DNM1L: variants seen among roughly 807,000 people sequenced by gnomAD.
DNM1L encodes the protein dynamin 1L, also known as dynamin-1-like protein.
A neutral mutation model predicts 92.8 loss-of-function variants in DNM1L; 33 were observed. The observed-to-expected ratio is 0.36, with a 90% CI of 0.27 to 0.48. The LOEUF (loss-of-function observed/expected upper bound fraction) is 0.48. DNM1L is among the 20% of genes least tolerant of loss of function. The probability of loss-of-function intolerance (pLI) is 0.99; values close to 1 mark genes in which losing one functional copy is unlikely to be tolerated. For missense variants in DNM1L, 485 were observed against 888.8 expected (o/e 0.55, Z 5.78); for synonymous variants, 284 against 305.0 (o/e 0.93, Z 0.72).
At chr12:32,691,611 G>A (rs1268875266) in intron 1 of DNM1L, among the ~76,000 whole-genome samples, 1 of 152,130 alleles carries the variant, frequency 6.6e-6, no homozygotes, top group Non-Finnish European at 1.5e-5. Context: ...CCGAGGTACT[G>A]GGGGTTAGGG....
intron 1 of DNM1L, among the ~76,000 whole-genome samples, chr12:32,689,488 G>A (rs909929144): frequency 6.6e-6 from 1 of 152,220 alleles, no homozygotes; most frequent in Non-Finnish European, 1.5e-5. Flanking sequence ...TGGGCCCGGC[G>A]TAGTTTAGCT....
At chr12:32,699,796 CAAAAAAAAAAAA>C (rs34943495) in intron 1 of DNM1L, among the ~76,000 whole-genome samples, 4 of 73,592 alleles carry the variant, frequency 5.4e-5, no homozygotes, top group African/African-American at 1.8e-4. Context: ...GACTCCATCT[CAAAAAAAAAAAA>C]AAAAAAAAAA....
Position 32,743,521 on chromosome 12 carries a change from T to G in DNM1L, c.*111T>G, listed in dbSNP as rs1955462087. On this transcript the variant is annotated 3_prime_UTR_variant, in exon 20 of 20. Coordinates refer to ENST00000549701, the MANE Select transcript of DNM1L (RefSeq NM_012062.5). ...GTGTATTGCAATGGTATGAATCTGC[T>G]CATGTGGAGACTGGCTATAAACTGA... The G allele has an allele frequency of 2.0e-6, 2 of 1,024,742 alleles. No individual in the cohort carries two copies. Among genetic ancestry groups the G allele is most frequent in the Middle Eastern group, 2.0e-4 (1 of 4,882 alleles). The allele number at this position is 1,024,742 out of a possible 1,614,324, so 63.5% of individuals were successfully genotyped here. A position where few individuals can be genotyped will look rare whatever the true frequency, so the allele number is the denominator to read the frequency against.
At chr12:32,701,216 C>T (rs1361227369) in intron 1 of DNM1L, among the ~76,000 whole-genome samples, 199 bp from the exon 2 acceptor site, 1 of 150,674 alleles carries the variant, frequency 6.6e-6, no homozygotes, top group African/African-American at 2.4e-5. Flanking sequence ...GCGGAGGTTG[C>T]AGTGAGCCGA....
intron 12 of DNM1L, 47 bp from the exon 13 acceptor site, chr12:32,733,668 T>C (rs753858545): frequency 6.7e-6 from 10 of 1,490,246 alleles, no homozygotes; most frequent in Non-Finnish European, 8.4e-6. Context: ...CAAAGTAAAA[T>C]ATGGTTGATG....
chr12:32,686,937 CTTT>C (rs71447614), intron 1 of DNM1L, among the ~76,000 whole-genome samples: 3 of 95,604 alleles, frequency 3.1e-5, no homozygotes, highest in African/African-American at 4.3e-5. Flanking sequence ...TCTTTTTTTT[CTTT>C]TTTTTTTTTT....
intron 12 of DNM1L, chr12:32,732,722 AC>A (rs1285949187): frequency 2.5e-6 from 1 of 395,776 alleles, no homozygotes; most frequent in African/African-American, 2.1e-5. Context: ...GACCCTTTTT[AC>A]CCAGTTCTGG....
At chr12:32,700,207 C>T (rs12322568) in intron 1 of DNM1L, among the ~76,000 whole-genome samples, 1 of 151,868 alleles carries the variant, frequency 6.6e-6, no homozygotes, top group Non-Finnish European at 1.5e-5. Context: ...GCAACCTCCA[C>T]CTCCCGGGTT....
At chr12:32,739,208 TCTAA>T (rs1166315041) in intron 16 of DNM1L, among the ~76,000 whole-genome samples, 6 of 152,200 alleles carry the variant, frequency 3.9e-5, no homozygotes, top group Non-Finnish European at 7.4e-5. Flanking sequence ...CTACCATTTT[TCTAA>T]CTGCCATAAT....
chr12:32,710,719 T>C (rs1178579268), intron 4 of DNM1L, among the ~76,000 whole-genome samples: 1 of 152,084 alleles, frequency 6.6e-6, no homozygotes, highest in East Asian at 1.9e-4. Flanking sequence ...ACATATAACA[T>C]GATACAGGGA....
intron 1 of DNM1L, among the ~76,000 whole-genome samples, chr12:32,700,882 C>A (rs1379849950): frequency 6.6e-6 from 1 of 152,060 alleles, no homozygotes; most frequent in Non-Finnish European, 1.5e-5. Context: ...GGTGGAGTAT[C>A]AAAACAGGTG....
Position 32,710,947 on chromosome 12 carries a change from A to G in DNM1L, c.388A>G (p.Ile130Val), listed in dbSNP as rs1555118683. ...GNNKGVSPEP[I>V]HLKIFSPNVV... Reference sequence around the variant, plus strand: ...TTTTTAGGGAGTAAGCCCTGAACCAATTCATCTTAAGATTTTTTCACCCAA... The same window carrying G: ...TTTTTAGGGAGTAAGCCCTGAACCAGTTCATCTTAAGATTTTTTCACCCAA... Residue 130 changes from isoleucine (I) to valine (V), a missense_variant, in exon 5 of 20, where the codon ATT becomes GTT. By Grantham distance (29) the Ile-to-Val change is conservative. This residue lies in a region of DNM1L where 159 missense variants were observed against 275.9 expected (regional missense o/e 0.58). Coordinates refer to ENST00000549701, the MANE Select transcript of DNM1L (RefSeq NM_012062.5). The G allele has an allele frequency of 6.2e-7, 1 of 1,613,854 alleles. No individual in the cohort carries two copies. Among genetic ancestry groups the G allele is most frequent in the Non-Finnish European group, 8.5e-7 (1 of 1,179,862 alleles).
intron 2 of DNM1L, chr12:32,705,940 T>C (rs1250528406): frequency 1.5e-6 from 2 of 1,317,480 alleles, no homozygotes; most frequent in Non-Finnish European, 2.1e-6. Flanking sequence ...TTACAGGCTG[T>C]GTGTATTTTT....
At chr12:32,702,548 C>G (rs1952757283) in intron 2 of DNM1L, among the ~76,000 whole-genome samples, 1 of 152,254 alleles carries the variant, frequency 6.6e-6, no homozygotes, top group Admixed American at 6.5e-5. Context: ...CTGCAGAGAT[C>G]TGTTTTCAAT....
intron 1 of DNM1L, among the ~76,000 whole-genome samples, chr12:32,682,054 C>T (rs1377247570): frequency 1.3e-5 from 2 of 151,864 alleles, no homozygotes; most frequent in East Asian, 3.9e-4. Flanking sequence ...ATTATCCATA[C>T]CTTAAATGGC....
At chr12:32,714,826 A>T (rs1953290604) in intron 6 of DNM1L, among the ~76,000 whole-genome samples, 1 of 107,962 alleles carries the variant, frequency 9.3e-6, no homozygotes, top group African/African-American at 3.3e-5. Flanking sequence ...CATCTCTATT[A>T]AAAAAAAAAA....
At chr12:32,694,585 C>T (rs892495980) in intron 1 of DNM1L, among the ~76,000 whole-genome samples, 2 of 152,146 alleles carry the variant, frequency 1.3e-5, no homozygotes, top group East Asian at 3.9e-4. Flanking sequence ...GATTAAATAT[C>T]CATATTAGGG....
At chr12:32,713,448 T>C in intron 6 of DNM1L, 77 bp downstream of exon 6, 1 of 1,457,588 alleles carries the variant, frequency 6.9e-7, no homozygotes. Context: ...ATTTTTCTCT[T>C]TAAAAACAGT....
At chr12:32,701,104 G>A (rs913937550) in intron 1 of DNM1L, among the ~76,000 whole-genome samples, 7 of 152,078 alleles carry the variant, frequency 4.6e-5, no homozygotes, top group Admixed American at 2.6e-4. Flanking sequence ...GAGAAACCCC[G>A]TCTCTACTAA....
Sources: gnomAD v4.1 joint callset for allele counts (sites outside exome capture counted in the v4.1 genomes callset) on GRCh38, gnomAD v4.1.1 for gene constraint, gnomAD v4.1.1 regional missense constraint, MANE v1.5 for transcripts, NCBI Gene and HGNC (gene_info 2026-07-23, HGNC 2026-07-21) for gene names.